Variants in ADGRL4 observed in about 807,000 individuals in gnomAD.
ADGRL4 encodes EGF, latrophilin and seven transmembrane domain containing 1.
In ADGRL4, 90 loss-of-function variants were observed where a neutral mutation model predicts 74.8. The ratio of observed to expected loss-of-function variants is 1.20; its 90% confidence interval spans 1.02 to 1.43. ADGRL4 has a LOEUF of 1.43. Ranked by LOEUF, ADGRL4 falls within the 40% of genes most tolerant of loss-of-function variation. The probability of loss-of-function intolerance (pLI) is 0.00; values close to 1 mark genes in which losing one functional copy is unlikely to be tolerated. For missense variants in ADGRL4, 881 were observed against 814.3 expected, an observed-to-expected ratio of 1.08 and a Z score of -1.00; for synonymous variants, 311 against 279.2, an observed-to-expected ratio of 1.11 and a Z score of -1.14.
At chr1:78,998,990 T>A (rs1650780875) in intron 2 of ADGRL4, among the ~76,000 whole-genome samples, 1 of 152,090 alleles carries the variant, frequency 6.6e-6, no homozygotes, top group Non-Finnish European at 1.5e-5. Context: ...AAAATCAACA[T>A]CAATATATAA....
rs563801682 is a variant in ADGRL4, at chr1:78,900,703, C to T, written c.1750-7514G>A. 1.4e-3 allele frequency among the ~76,000 whole-genome samples: 210 copies of T among 152,214 alleles called. 2 individuals carry two copies. Among genetic ancestry groups the T allele is most frequent in the Middle Eastern group, 3.4e-3 (1 of 294 alleles). ...TCTCTCTCTGATCACTATGTGAAGACGTACTTGCTTTTCCTTCACTTCATG... is the reference window on the plus strand; with the variant it reads ...TCTCTCTCTGATCACTATGTGAAGATGTACTTGCTTTTCCTTCACTTCATG... On this transcript the variant is annotated intron_variant, in intron 12 of 14. Coordinates refer to ENST00000370742, the MANE Select transcript of ADGRL4 (RefSeq NM_022159.4).
intron 2 of ADGRL4, among the ~76,000 whole-genome samples, chr1:78,985,157 C>G (rs1650467763): frequency 6.6e-6 from 1 of 151,564 alleles, no homozygotes; most frequent in Non-Finnish European, 1.5e-5. Context: ...AGTGGACTTT[C>G]AGTGAAATAG....
chr1:78,945,177 A>AAAAAAAAAAATATATATAT (rs376405445), intron 3 of ADGRL4, among the ~76,000 whole-genome samples: 9 of 127,934 alleles, frequency 7.0e-5, no homozygotes, highest in East Asian at 5.5e-4. Context: ...AAAAAAAAAA[A>AAAAAAAAAAATATATATAT]ATATATATAT....
intron 2 of ADGRL4, among the ~76,000 whole-genome samples, chr1:78,954,842 T>A (rs1379715648): frequency 1.3e-5 from 2 of 152,052 alleles, no homozygotes; most frequent in Admixed American, 6.6e-5. Flanking sequence ...CGTGCAATAA[T>A]AGCTAAGTAT....
At chr1:78,898,127 G>T (rs1039104399) in intron 12 of ADGRL4, among the ~76,000 whole-genome samples, 4 of 152,080 alleles carry the variant, frequency 2.6e-5, no homozygotes, top group African/African-American at 9.7e-5. Flanking sequence ...GGAGGATAAA[G>T]AATTAGAAAG....
intron 8 of ADGRL4, among the ~76,000 whole-genome samples, chr1:78,926,072 C>T (rs1046836749): frequency 2.0e-5 from 3 of 151,984 alleles, no homozygotes; most frequent in Admixed American, 6.6e-5. Flanking sequence ...AATGTTTTTA[C>T]TTAACAGTGG....
intron 12 of ADGRL4, among the ~76,000 whole-genome samples, chr1:78,897,717 A>G (rs1465073131): frequency 1.3e-5 from 2 of 152,302 alleles, no homozygotes; most frequent in East Asian, 3.9e-4. Context: ...TTCTTTCATT[A>G]CTCAAAATTT....
chr1:78,892,661 C>G (rs1648307776), intron 13 of ADGRL4, among the ~76,000 whole-genome samples: 1 of 152,024 alleles, frequency 6.6e-6, no homozygotes, highest in Admixed American at 6.6e-5. Flanking sequence ...CCAGTGTTCC[C>G]TATAGTATAA....
At chr1:78,933,952 T>C (rs1649298657) in intron 7 of ADGRL4, among the ~76,000 whole-genome samples, 1 of 151,798 alleles carries the variant, frequency 6.6e-6, no homozygotes, top group African/African-American at 2.4e-5. Flanking sequence ...AATGGAAAAA[T>C]TGTCCGTGTT....
rs567365247 is a variant in ADGRL4 at position 78,958,475 on chromosome 1, T to C, written c.173-12049A>G. Among the ~76,000 whole-genome samples the C allele has an allele frequency of 3.3e-5, 5 of 152,202 alleles. No homozygotes were observed. In the South Asian group the frequency reaches 6.2e-4, roughly 19 times the overall value. ...TGGAAGAAGCTGATTCCAACCCTCA[T>C]AGATGACTTGGAGGGGTTCAAGACT... is the stretch of plus-strand genomic sequence containing the variant. On this transcript the variant is annotated intron_variant, in intron 2 of 14. Transcript: ENST00000370742.
intron 2 of ADGRL4, among the ~76,000 whole-genome samples, chr1:78,972,246 A>G (rs1442373713): frequency 6.6e-6 from 1 of 152,194 alleles, no homozygotes; most frequent in Non-Finnish European, 1.5e-5. Flanking sequence ...TCCATGGCAT[A>G]TCACCATGAT....
At position 78,998,044 on chromosome 1, in the gene ADGRL4, C is replaced by G. The variant is rs60610083; in HGVS notation, c.172+7026G>C. Among the ~76,000 whole-genome samples the G allele has an allele frequency of 8.8e-3, 1,336 of 152,234 alleles. 22 individuals carry two copies. The highest frequency in any genetic ancestry group is 0.03 in the African/African-American group (1,265 of 41,548). ...GGAATAGAATGTCCAATCTGTGTAG[C>G]CTTTGGAAAACAATGCCTCAAACAA... On this transcript the variant is annotated intron_variant, in intron 2 of 14. Coordinates refer to ENST00000370742, the MANE Select transcript of ADGRL4 (RefSeq NM_022159.4).
chr1:78,931,577 A>C (rs892962749), intron 7 of ADGRL4, among the ~76,000 whole-genome samples: 1 of 151,408 alleles, frequency 6.6e-6, no homozygotes, highest in Non-Finnish European at 1.5e-5. Flanking sequence ...TTCACACATA[A>C]CAATACTAAC....
In ADGRL4 at chr1:78,938,671, G is replaced by T. The variant is rs1041120524; in HGVS notation, c.397-392C>A. ...CAATAAATGATAATACTTTAAATTA[G>T]ATTTTAATCAACCAAAGAAAATTCT... On this transcript the variant is annotated intron_variant, in intron 4 of 14. Transcript: ENST00000370742. 2.0e-5 allele frequency among the ~76,000 whole-genome samples: 3 copies of T among 152,034 alleles called. No homozygotes were observed. In the East Asian group the frequency reaches 5.8e-4, roughly 29 times the overall value.
intron 2 of ADGRL4, among the ~76,000 whole-genome samples, chr1:78,993,657 C>T (rs1314837186): frequency 1.3e-5 from 2 of 151,774 alleles, no homozygotes; most frequent in East Asian, 3.9e-4. Context: ...AAAGCTCCAC[C>T]TCCTGGGCTC....
At chr1:78,919,067 C>T (rs940639057) in intron 10 of ADGRL4, among the ~76,000 whole-genome samples, 1 of 151,780 alleles carries the variant, frequency 6.6e-6, no homozygotes, top group African/African-American at 2.4e-5. Flanking sequence ...TTACGAATAC[C>T]ACTGCAAAAC....
At chr1:78,901,123 T>C (rs539788597) in intron 12 of ADGRL4, among the ~76,000 whole-genome samples, 28 of 152,308 alleles carry the variant, frequency 1.8e-4, no homozygotes, top group Admixed American at 1.4e-3. Context: ...TTCCAAATAT[T>C]AATATTAATT....
chr1:78,938,323 A>G, intron 4 of ADGRL4, 44 bp from the exon 5 acceptor site: 1 of 1,469,174 alleles, frequency 6.8e-7, no homozygotes, highest in Non-Finnish European at 9.1e-7. Context: ...AATTAGTTCT[A>G]CTGGAGTTTT....
chr1:78,963,590 T>C (rs1031651389), intron 2 of ADGRL4, among the ~76,000 whole-genome samples: 1 of 152,228 alleles, frequency 6.6e-6, no homozygotes, highest in Admixed American at 6.5e-5. Context: ...AGATCAAATA[T>C]GACATTTGTT....
Sources: gnomAD v4.1 joint callset for allele counts (sites outside exome capture counted in the v4.1 genomes callset) on GRCh38, gnomAD v4.1.1 for gene constraint, MANE v1.5 for transcripts, NCBI Gene and HGNC (gene_info 2026-07-23, HGNC 2026-07-21) for gene names.